Variants in MIAT observed in about 807,000 individuals in gnomAD.
MIAT encodes myocardial infarction associated transcript, also known as MI related novel mRNA.
chr22:26,672,049 C>T (rs1164781153), downstream of MIAT: 3 of 399,116 alleles, frequency 7.5e-6, no homozygotes, highest in Non-Finnish European at 1.3e-5. Flanking sequence ...CCCGTCTAAC[C>T]CCTGGGGTGC....
At chr22:26,657,703 C>A in intron 2 of MIAT, 2 of 398,698 alleles carry the variant, frequency 5.0e-6, no homozygotes, top group Non-Finnish European at 8.8e-6. Context: ...GTGTCCTTGT[C>A]CCCTAACGGG....
At chr22:26,658,923 T>G (rs1284265005) in intron 2 of MIAT, among the ~76,000 whole-genome samples, 1 of 152,190 alleles carries the variant, frequency 6.6e-6, no homozygotes, top group African/African-American at 2.4e-5. Flanking sequence ...CATTCCCATT[T>G]GGGAGCATCT....
exon 5 of MIAT, chr22:26,674,824 G>A (rs1199828186): frequency 5.0e-6 from 2 of 398,556 alleles, no homozygotes; most frequent in Admixed American, 4.4e-5. Context: ...TAACTGCAAA[G>A]ACTTGATGCT....
intron 2 of MIAT, among the ~76,000 whole-genome samples, chr22:26,648,112 C>T (rs1325993294): frequency 6.6e-6 from 1 of 152,106 alleles, no homozygotes; most frequent in Non-Finnish European, 1.5e-5. Context: ...GTGCTGGCGG[C>T]TGCGGTCTGC....
downstream of MIAT, chr22:26,669,940 C>T (rs1043531457): frequency 2.5e-6 from 1 of 398,724 alleles, no homozygotes; most frequent in East Asian, 3.6e-5. Flanking sequence ...AATGTGCTTG[C>T]CTGTCAGGTG....
chr22:26,646,480 G>T, exon 1 of MIAT: 1 of 399,036 alleles, frequency 2.5e-6, no homozygotes, highest in Non-Finnish European at 4.4e-6. Flanking sequence ...TACAGGGGTT[G>T]CTGACCAGGT....
intron 2 of MIAT, among the ~76,000 whole-genome samples, chr22:26,653,992 C>G (rs1010146209): frequency 1.3e-5 from 2 of 152,118 alleles, no homozygotes; most frequent in African/African-American, 4.8e-5. Context: ...CCGCCCACCT[C>G]GCCTCCCAAA....
downstream of MIAT, chr22:26,673,291 G>A (rs9620625): frequency 1.3e-5 from 5 of 398,572 alleles, no homozygotes; most frequent in Non-Finnish European, 2.2e-5. Context: ...CCACACCTGG[G>A]GGTGATTTCA....
chr22:26,646,921 C>T, exon 1 of MIAT: 1 of 398,610 alleles, frequency 2.5e-6, no homozygotes, highest in Non-Finnish European at 4.4e-6. Context: ...ATGTTCAGAG[C>T]AAGAGATGAA....
exon 5 of MIAT, chr22:26,675,512 G>T: frequency 2.5e-6 from 1 of 398,654 alleles, no homozygotes; most frequent in South Asian, 1.3e-4. Context: ...TTAGACAACT[G>T]AGCAGAACTT....
intron 2 of MIAT, among the ~76,000 whole-genome samples, chr22:26,661,196 G>T (rs1265629720): frequency 2.0e-5 from 3 of 152,162 alleles, no homozygotes; most frequent in Non-Finnish European, 4.4e-5. Context: ...TAACTTGTAG[G>T]CCAGTCTTTG....
chr22:26,670,960 C>T (rs1235512075), downstream of MIAT: 15 of 393,568 alleles, frequency 3.8e-5, no homozygotes, highest in Non-Finnish European at 5.8e-5. Context: ...CAGCTTGATG[C>T]GTTTTTTTTT....
intron 2 of MIAT, among the ~76,000 whole-genome samples, chr22:26,648,787 G>A (rs570851958): frequency 6.6e-6 from 1 of 152,318 alleles, no homozygotes; most frequent in Admixed American, 6.5e-5. Flanking sequence ...GTGCACTGCA[G>A]ACAGTGTTGG....
chr22:26,668,371 G>T, exon 6 of MIAT: 1 of 398,772 alleles, frequency 2.5e-6, no homozygotes, highest in South Asian at 1.3e-4. Context: ...CTCAGCAGAT[G>T]ACTGATCTGG....
intron 2 of MIAT, chr22:26,657,104 C>T (rs1930484076): frequency 5.8e-6 from 1 of 172,576 alleles, no homozygotes; most frequent in African/African-American, 2.4e-5. Flanking sequence ...CAAGCGTCTT[C>T]TGTCCTCTTA....
rs577161933 is a variant in MIAT at position 26,653,573 on chromosome 22, G to A, written n.646+6262G>A. On this transcript the variant is annotated intron_variant and non_coding_transcript_variant, in intron 2 of 5. Transcript: ENST00000643270. ...ATAATATGCAGAAAAAAGCAATCAC[G>A]TAGTTTTTAAAAACTAACTCTGGGA... Among the ~76,000 whole-genome samples, 443 of 152,184 alleles carry A rather than the reference G, an allele frequency of 2.9e-3. 3 individuals carry two copies. The highest frequency in any genetic ancestry group is 4.5e-3 in the Non-Finnish European group (305 of 68,014).
At chr22:26,671,621 G>A (rs1053300709), downstream of MIAT, 1 of 398,606 alleles carries the variant, frequency 2.5e-6, no homozygotes, top group Non-Finnish European at 4.4e-6. Flanking sequence ...TCTGCCTATG[G>A]GCTGGGATCT....
downstream of MIAT, chr22:26,674,495 T>C (rs1931185831): frequency 1.8e-5 from 7 of 398,662 alleles, no homozygotes; most frequent in Admixed American, 4.4e-5. Context: ...TTACAGACCT[T>C]AGAGGCAGGT....
chr22:26,660,290 G>A (rs956715184), intron 2 of MIAT, among the ~76,000 whole-genome samples: 2 of 151,612 alleles, frequency 1.3e-5, no homozygotes, highest in African/African-American at 4.8e-5. Flanking sequence ...TGGTCAACAT[G>A]GCGAAACCCT....
Sources: gnomAD v4.1 joint callset for allele counts (sites outside exome capture counted in the v4.1 genomes callset) on GRCh38, gnomAD v4.1.1 for gene constraint, MANE v1.5 for transcripts, NCBI Gene and HGNC (gene_info 2026-07-23, HGNC 2026-07-21) for gene names.